Variants in MAPKBP1 observed in about 807,000 individuals in gnomAD.
The protein encoded by MAPKBP1 is mitogen-activated protein kinase-binding protein 1.
A neutral mutation model predicts 170.5 loss-of-function variants in MAPKBP1; 71 were observed. The ratio of observed to expected loss-of-function variants is 0.42; its 90% CI spans 0.34 to 0.51. The LOEUF is 0.51. Among genes scored for constraint, MAPKBP1 ranks in the 20% least tolerant of loss-of-function variants. The pLI, the probability that MAPKBP1 is intolerant of heterozygous loss-of-function variation, is 0.06. For synonymous variants in MAPKBP1, 719 were observed against 757.9 expected (o/e 0.95, Z 0.84); for missense variants, 1,598 against 1,933.0 (o/e 0.83, Z 3.25).
chr15:41,815,534 T>C, intron 11 of MAPKBP1, 90 bp from the exon 12 acceptor site: 1 of 1,552,292 alleles, frequency 6.4e-7, no homozygotes, highest in Non-Finnish European at 8.8e-7. Context: ...TGCTCTGTGG[T>C]CCAAGGGTTT....
At chr15:41,824,108 C>A in intron 29 of MAPKBP1, 47 bp downstream of exon 29, 1 of 1,545,260 alleles carries the variant, frequency 6.5e-7, no homozygotes, top group Non-Finnish European at 8.7e-7. Flanking sequence ...TCCTTACTCT[C>A]CCCTCTCTGT....
At chr15:41,798,383 A>G (rs1167988661) in intron 2 of MAPKBP1, among the ~76,000 whole-genome samples, 2 of 151,664 alleles carry the variant, frequency 1.3e-5, no homozygotes, top group South Asian at 4.2e-4. Context: ...CCCAGGTTCA[A>G]ATGAATCTCA....
intron 12 of MAPKBP1, 110 bp from the exon 13 acceptor site, chr15:41,816,449 C>T: frequency 1.4e-6 from 1 of 716,476 alleles, no homozygotes; most frequent in Non-Finnish European, 2.4e-6. Context: ...TTCTCTAAGC[C>T]TAAAAGTTCA....
intron 3 of MAPKBP1, among the ~76,000 whole-genome samples, chr15:41,801,694 A>C (rs1306031071): frequency 6.6e-6 from 1 of 152,140 alleles, no homozygotes; most frequent in African/African-American, 2.4e-5. Context: ...CTAAAAACAT[A>C]AAAAAATTTG....
At position 41,822,924 on chromosome 15, in the gene MAPKBP1, A is replaced by G; in HGVS notation, c.3315-15A>G. 6.3e-7 allele frequency: 1 copy of G among 1,589,572 alleles called. No individual in the cohort carries two copies. Among genetic ancestry groups the G allele is most frequent in the Non-Finnish European group, 8.6e-7 (1 of 1,163,916 alleles). On this transcript the variant is annotated splice_polypyrimidine_tract_variant and intron_variant, in intron 27 of 30. Coordinates refer to ENST00000457542, the MANE Select transcript of MAPKBP1 (RefSeq NM_014994.3). The stretch of plus-strand genomic sequence containing the variant: ...GAGCCTTCTCTGGGCCTTCTCCCAC[A>G]TGTTCTCCCTGTAGGGAACCATCCC...
Sources: gnomAD v4.1 joint callset for allele counts (sites outside exome capture counted in the v4.1 genomes callset) on GRCh38, gnomAD v4.1.1 for gene constraint, MANE v1.5 for transcripts, NCBI Gene and HGNC (gene_info 2026-07-23, HGNC 2026-07-21) for gene names.